The following SLC11A2 variants were observed in gnomAD, a reference collection of about 807,000 sequenced individuals.
The protein encoded by SLC11A2 is natural resistance-associated macrophage protein 2.
A neutral mutation model predicts 68.0 loss-of-function variants in SLC11A2; 38 were observed. The ratio of observed to expected loss-of-function variants is 0.56; its 90% CI spans 0.43 to 0.73. The LOEUF (loss-of-function observed/expected upper bound fraction) is 0.73. Ranked by LOEUF, SLC11A2 falls within the 30% of genes least tolerant of loss-of-function variation. The pLI is 0.00. For missense variants in SLC11A2, 517 were observed against 690.5 expected (o/e 0.75, Z 2.82); for synonymous variants, 242 against 250.6 (o/e 0.97, Z 0.32).
chr12:51,016,361 A>G (rs1405604454), intron 1 of SLC11A2, among the ~76,000 whole-genome samples: 1 of 151,776 alleles, frequency 6.6e-6, no homozygotes, highest in African/African-American at 2.4e-5. Context: ...AGCCTGGCCA[A>G]TATGGTGAAA....
At chr12:50,984,222 A>G (rs1323482314), downstream of SLC11A2, among the ~76,000 whole-genome samples, 1 of 152,196 alleles carries the variant, frequency 6.6e-6, no homozygotes, top group African/African-American at 2.4e-5. Context: ...ACTGCAGTGT[A>G]TAACCTCACA....
chr12:50,958,151 A>G, the SLC11A2 span, among the ~76,000 whole-genome samples: 2 of 151,902 alleles, frequency 1.3e-5, no homozygotes, highest in Admixed American at 6.6e-5. Flanking sequence ...AAAGATGTCA[A>G]TTCTCCCCAA....
At position 50,987,440 on chromosome 12, in the gene SLC11A2, C is replaced by A. The variant is rs940890290; in HGVS notation, c.*885G>T. 2 of 1,287,070 alleles carry A rather than the reference C, an allele frequency of 1.6e-6. No individual in the cohort carries two copies. Among genetic ancestry groups the A allele is most frequent in the Non-Finnish European group, 2.0e-6 (2 of 988,702 alleles). The allele number at this position is 1,287,070 out of a possible 1,614,324, so 79.7% of individuals were successfully genotyped here. On this transcript the variant is annotated 3_prime_UTR_variant, in exon 16 of 16. Coordinates refer to ENST00000262052, the MANE Select transcript of SLC11A2 (RefSeq NM_000617.3). ...CTCCTCCCTTAAAGTCTTTTCTCCC[C>A]ACCCTCAACATTTCACGAGAACATC...
chr12:50,965,824 A>G, the SLC11A2 span, among the ~76,000 whole-genome samples: 1 of 152,134 alleles, frequency 6.6e-6, no homozygotes, highest in African/African-American at 2.4e-5. Flanking sequence ...ACTTACATCT[A>G]TTTTTGTCTG....
At position 50,986,166 on chromosome 12, in the gene SLC11A2, G is replaced by C. The variant is rs1027942440; in HGVS notation, c.*2159C>G. On this transcript the variant is annotated 3_prime_UTR_variant, in exon 16 of 16. Transcript: ENST00000262052. ...TAATGTAGCAGCACAATTATTTCAT[G>C]TCACATTTAAGAAGAACAAGAACCA... is the stretch of plus-strand genomic sequence containing the variant. 2.0e-4 allele frequency: 255 copies of C among 1,285,502 alleles called. No homozygotes were observed. Among genetic ancestry groups the C allele is most frequent in the Non-Finnish European group, 2.4e-4 (237 of 987,472 alleles). 79.6% of individuals were successfully genotyped at this position (1,285,502 alleles called of 1,614,324 possible).
the SLC11A2 span, among the ~76,000 whole-genome samples, chr12:50,958,681 G>C: frequency 6.6e-6 from 1 of 152,180 alleles, no homozygotes; most frequent in African/African-American, 2.4e-5. Context: ...GTGTGGTACT[G>C]ATGGAAGGTC....
Position 50,987,453 on chromosome 12 carries a change from T to G in SLC11A2, c.*872A>C, listed in dbSNP as rs73297974. 1.4e-3 allele frequency: 1,853 copies of G among 1,287,154 alleles called. 24 individuals are homozygous for G. The African/African-American group carries it at 0.024, about 16-fold the overall frequency. 79.7% of individuals were successfully genotyped at this position (1,287,154 alleles called of 1,614,324 possible). ...GTCTTTTCTCCCCACCCTCAACATTTCACGAGAACATCAGTTCATAAATAC... is the reference window on the plus strand; with the variant it reads ...GTCTTTTCTCCCCACCCTCAACATTGCACGAGAACATCAGTTCATAAATAC... On this transcript the variant is annotated 3_prime_UTR_variant, in exon 16 of 16. Coordinates refer to ENST00000262052, the MANE Select transcript of SLC11A2 (RefSeq NM_000617.3).
rs1290837795 is a variant in SLC11A2, at chr12:50,995,676, C to T, written c.943G>A (p.Val315Ile). The T allele has an allele frequency of 6.2e-7, 1 of 1,614,126 alleles. No individual in the cohort carries two copies. Among genetic ancestry groups the T allele is most frequent in the Non-Finnish European group, 8.5e-7 (1 of 1,180,014 alleles). Residue 315 changes from valine to isoleucine, a missense_variant, in exon 10 of 16, where the codon GTC becomes ATC. Transcript: ENST00000262052. ...FVSFIINVFV[V>I]SVFAEAFFGK... Reference sequence around the variant, plus strand: ...AAAAATGCTTCAGCAAAGACTGAGACAACAAAGACATTGATGATGAAGGAA... The same window carrying T: ...AAAAATGCTTCAGCAAAGACTGAGATAACAAAGACATTGATGATGAAGGAA...
the SLC11A2 span, among the ~76,000 whole-genome samples, chr12:50,972,925 G>A: frequency 3.9e-5 from 6 of 152,224 alleles, no homozygotes; most frequent in South Asian, 2.1e-4. Flanking sequence ...AAACTGCAAC[G>A]TGGCAGCGAG....
intron 14 of SLC11A2, 148 bp downstream of exon 14, chr12:50,991,451 A>T: frequency 1.4e-6 from 1 of 695,982 alleles, no homozygotes; most frequent in East Asian, 2.7e-5. Flanking sequence ...CACAGTTTCC[A>T]TTCTCTAAGC....
the SLC11A2 span, among the ~76,000 whole-genome samples, chr12:50,963,169 A>T: frequency 6.6e-6 from 1 of 151,948 alleles, no homozygotes; most frequent in South Asian, 2.1e-4. Context: ...CAGGAGTTTG[A>T]GACAAGCCTG....
intron 14 of SLC11A2, 92 bp from the exon 15 acceptor site, chr12:50,991,040 A>G: frequency 8.8e-7 from 1 of 1,134,354 alleles, no homozygotes; most frequent in Admixed American, 1.7e-5. Context: ...GGCAGTTCAA[A>G]ATGAATGGAA....
chr12:51,025,445 C>T (rs550621067), intron 1 of SLC11A2, among the ~76,000 whole-genome samples: 3 of 152,320 alleles, frequency 2.0e-5, no homozygotes, highest in African/African-American at 7.2e-5. Context: ...AGAAATCATG[C>T]GAACTGGTGG....
chr12:51,011,555 T>TG (rs1339434306), intron 1 of SLC11A2, among the ~76,000 whole-genome samples: 1 of 148,958 alleles, frequency 6.7e-6, no homozygotes, highest in Non-Finnish European at 1.5e-5. Flanking sequence ...ATGAGTTGTT[T>TG]TTTTTTGTTT....
intron 1 of SLC11A2, chr12:51,025,969 T>A: frequency 9.8e-7 from 1 of 1,015,648 alleles, no homozygotes; most frequent in Non-Finnish European, 1.2e-6. Flanking sequence ...TCGAAGCAGG[T>A]CAGCGCACCC....
At chr12:50,959,310 G>A in the SLC11A2 span, among the ~76,000 whole-genome samples, 1 of 151,826 alleles carries the variant, frequency 6.6e-6, no homozygotes, top group Non-Finnish European at 1.5e-5. Flanking sequence ...GTAGAGATGG[G>A]GGTTTCTCCA....
In SLC11A2 at chr12:51,008,606, T is replaced by G. The variant is rs745954183; in HGVS notation, c.53A>C (p.His18Pro). The G allele has an allele frequency of 6.2e-7, 1 of 1,612,876 alleles. No homozygotes were observed. ...KMSDDSVSGD[H>P]GESASLGNIN... ...GTTACCAAGACTGGCAGACTCCCCA[T>G]GATCTCCAGAAACACTGTCTGAATT... The change falls in exon 3 of 16, where the codon CAT becomes CCT. Residue 18 changes from histidine (H) to proline (P), a missense_variant. Transcript: ENST00000262052.
chr12:51,006,531 A>C (rs1220643811), intron 3 of SLC11A2, among the ~76,000 whole-genome samples: 1 of 152,138 alleles, frequency 6.6e-6, no homozygotes, highest in African/African-American at 2.4e-5. Flanking sequence ...AATATATAGA[A>C]TCTCCTTCCC....
the SLC11A2 span, chr12:50,953,905 C>A: frequency 1.8e-5 from 12 of 682,388 alleles, no homozygotes; most frequent in Non-Finnish European, 3.0e-5. Flanking sequence ...AACAAAAAAA[C>A]ACATAATCAA....
Sources: gnomAD v4.1 joint callset for allele counts (sites outside exome capture counted in the v4.1 genomes callset) on GRCh38, gnomAD v4.1.1 for gene constraint, MANE v1.5 for transcripts, NCBI Gene and HGNC (gene_info 2026-07-23, HGNC 2026-07-21) for gene names.